NPHP4: variants seen among roughly 807,000 people sequenced by gnomAD.
The protein encoded by NPHP4 is nephrocystin 4, also known as nephrocystin-4.
Under a neutral mutation model 155.8 loss-of-function variants are expected in NPHP4, and 151 were observed. The ratio of observed to expected loss-of-function variants is 0.97; its 90% CI spans 0.85 to 1.11. The LOEUF (loss-of-function observed/expected upper bound fraction) is 1.11, where lower values mean the gene tolerates loss of function less well. Among genes scored for constraint, NPHP4 ranks in the 50% least tolerant of loss-of-function variants. NPHP4 has a pLI of 0.00. For missense variants in NPHP4, 1,956 were observed against 1,925.7 expected (o/e 1.02, Z -0.29); for synonymous variants, 845 against 816.8 (o/e 1.03, Z -0.59).
chr1:5,873,698 A>C, intron 22 of NPHP4: 1 of 348,644 alleles, frequency 2.9e-6, no homozygotes. Flanking sequence ...CTGACCCCAA[A>C]AGGTCAAAAG....
chr1:5,948,247 C>T lies in NPHP4; in HGVS notation c.815G>A (p.Cys272Tyr), dbSNP rs1349348418. 1.3e-6 allele frequency: 2 copies of T among 1,563,616 alleles called. No homozygotes were observed. Among genetic ancestry groups the T allele is most frequent in the Admixed American group, 3.8e-5 (2 of 53,318 alleles). ...CAGGGCACCACCGTCCAGTGGGCCA[C>T]ATCCCTGGAAGAGGCACAGAAGGAA... ...LHVQDHFQEG[C>Y]GPLDGGALEI... The change falls in exon 8 of 30, where the codon TGT becomes TAT. Residue 272 changes from cysteine (C) to tyrosine (Y), a missense_variant. Transcript: ENST00000378156.
chr1:5,964,941 A>ATATATATATATATTTTTTTTTT, intron 5 of NPHP4, among the ~76,000 whole-genome samples: 1 of 59,410 alleles, frequency 1.7e-5, no homozygotes, highest in Non-Finnish European at 2.9e-5. Flanking sequence ...ATATATATAT[A>ATATATATATATATTTTTTTTTT]TTTTTTTTTT....
intron 29 of NPHP4, 97 bp from the exon 30 acceptor site, chr1:5,863,502 G>C: frequency 6.8e-7 from 1 of 1,472,532 alleles, no homozygotes; most frequent in Non-Finnish European, 9.4e-7. Context: ...TCCAAGGGGA[G>C]CTGACAAGGC....
chr1:5,975,250 C>T (rs1487085480), intron 3 of NPHP4, among the ~76,000 whole-genome samples: 5 of 152,228 alleles, frequency 3.3e-5, no homozygotes, highest in Non-Finnish European at 7.3e-5. Flanking sequence ...TGGAACAAAA[C>T]CTTTGCTCTG....
At chr1:5,975,327 G>C (rs1653351766) in intron 3 of NPHP4, among the ~76,000 whole-genome samples, 1 of 152,220 alleles carries the variant, frequency 6.6e-6, no homozygotes, top group Non-Finnish European at 1.5e-5. Flanking sequence ...AGCTTGGCAG[G>C]AGGGATTCAT....
At chr1:5,956,070 GGT>G (rs1491078268) in intron 6 of NPHP4, among the ~76,000 whole-genome samples, 9 of 148,340 alleles carry the variant, frequency 6.1e-5, no homozygotes, top group Non-Finnish European at 1.0e-4. Context: ...GGGGGGGGGG[GGT>G]GCAGGGAGGG....
Position 5,868,985 on chromosome 1 carries a change from CCA to C in NPHP4, c.3316-1091_3316-1090del, listed in dbSNP as rs1293477304. Among the ~76,000 whole-genome samples the C allele has an allele frequency of 8.0e-5, 10 of 125,340 alleles. No individual in the cohort carries two copies. In the South Asian group the frequency reaches 8.1e-4, roughly 10 times the overall value. 82.2% of individuals were successfully genotyped at this position (125,340 alleles called of 152,430 possible). On this transcript the variant is annotated intron_variant, in intron 23 of 29. Coordinates refer to ENST00000378156, the MANE Select transcript of NPHP4 (RefSeq NM_015102.5). ...CACACACACATGCACACACATCCAC[CCA>C]CACATGCACACACACGCACCCATAC... is the stretch of plus-strand genomic sequence containing the variant.
intron 11 of NPHP4, among the ~76,000 whole-genome samples, chr1:5,914,846 C>T (rs1341789950): frequency 6.6e-6 from 1 of 152,116 alleles, no homozygotes; most frequent in African/African-American, 2.4e-5. Context: ...GAAATGTGAA[C>T]GGGGTCGTGA....
chr1:5,901,998 A>G (rs914251655), intron 16 of NPHP4, among the ~76,000 whole-genome samples: 1 of 152,194 alleles, frequency 6.6e-6, no homozygotes, highest in Admixed American at 6.5e-5. Context: ...AAACGTAATG[A>G]TGAAGGCCAG....
rs191631053 is a variant in NPHP4, at chr1:5,873,346, C to T, written c.3232-11G>A. On this transcript the variant is annotated splice_polypyrimidine_tract_variant and intron_variant, in intron 22 of 29. Transcript: ENST00000378156. ...CAACCCAGGAGAGGCCTGCAGGAAC[C>T]GAACAGCACAAGCAGGTCAGGAAGC... 1.6e-5 allele frequency: 25 copies of T among 1,612,096 alleles called. No individual in the cohort carries two copies. The Admixed American group carries it at 3.0e-4, about 19-fold the overall frequency.
chr1:5,880,269 T>C (rs375820525), intron 18 of NPHP4, 30 bp from the exon 19 acceptor site: 22 of 1,610,832 alleles, frequency 1.4e-5, no homozygotes, highest in Non-Finnish European at 1.8e-5. Flanking sequence ...ACATAAGACA[T>C]GAACCCCAAA....
At chr1:5,886,092 T>C (rs909683988) in intron 18 of NPHP4, among the ~76,000 whole-genome samples, 1 of 152,230 alleles carries the variant, frequency 6.6e-6, no homozygotes, top group African/African-American at 2.4e-5. Flanking sequence ...CACTGCACAT[T>C]TGGTGGCTGG....
Position 5,944,552 on chromosome 1 carries a change from T to C in NPHP4, c.1119+2552A>G, listed in dbSNP as rs1049950380. 2.6e-5 allele frequency among the ~76,000 whole-genome samples: 4 copies of C among 152,250 alleles called. No homozygotes were observed. The highest frequency in any genetic ancestry group is 5.9e-5 in the Non-Finnish European group (4 of 68,048). On this transcript the variant is annotated intron_variant, in intron 9 of 29. Transcript: ENST00000378156. The surrounding 1 kb of genome is among the most constrained non-coding windows in gnomAD (Gnocchi z 4.3). ...AATGGTTCCGCACAGGAAGCAATTTTTGTGTGGAAGGTCATTTCACACACT... is the reference window on the plus strand; with the variant it reads ...AATGGTTCCGCACAGGAAGCAATTTCTGTGTGGAAGGTCATTTCACACACT...
rs201527181 is a variant in NPHP4, at chr1:5,887,444, G to A, written c.2327C>T (p.Pro776Leu). ...QMKHLLRQGR[P>L]AVQASHELEV... ...AAGCTCGTGGGAGGCCTGCACAGCC[G>A]GCCGGCCTTGGCGGAGGAGATGCTG... is the stretch of plus-strand genomic sequence containing the variant. Residue 776 changes from proline to leucine, a missense_variant, in exon 18 of 30, where the codon CCG becomes CTG. Coordinates refer to ENST00000378156, the MANE Select transcript of NPHP4 (RefSeq NM_015102.5). The A allele has an allele frequency of 7.4e-6, 12 of 1,613,106 alleles. No individual in the cohort carries two copies. Among genetic ancestry groups the A allele is most frequent in the Admixed American group, 5.0e-5 (3 of 59,998 alleles).
intron 3 of NPHP4, among the ~76,000 whole-genome samples, chr1:5,975,758 G>A (rs1411463368): frequency 6.6e-6 from 1 of 152,208 alleles, no homozygotes; most frequent in Non-Finnish European, 1.5e-5. Flanking sequence ...GTGGTGAAAT[G>A]CAAGTGCTGC....
At chr1:5,954,856 C>G (rs1648878446) in intron 6 of NPHP4, among the ~76,000 whole-genome samples, 1 of 151,502 alleles carries the variant, frequency 6.6e-6, no homozygotes, top group Non-Finnish European at 1.5e-5. Flanking sequence ...GCACAGGCAA[C>G]AAAAGCAAAA....
intron 11 of NPHP4, among the ~76,000 whole-genome samples, chr1:5,919,870 G>A (rs1557736814): frequency 6.6e-6 from 1 of 152,042 alleles, no homozygotes; most frequent in Non-Finnish European, 1.5e-5. Flanking sequence ...CTCCCAAGTA[G>A]CTGAGACTAC....
At chr1:5,920,784 A>G (rs530877357) in intron 11 of NPHP4, among the ~76,000 whole-genome samples, 36 of 152,214 alleles carry the variant, frequency 2.4e-4, no homozygotes, top group African/African-American at 8.4e-4. Context: ...ATGTATTGCA[A>G]ATATCTTTCA....
At chr1:5,965,493 A>G (rs1651319981) in intron 5 of NPHP4, among the ~76,000 whole-genome samples, 1 of 152,150 alleles carries the variant, frequency 6.6e-6, no homozygotes, top group Non-Finnish European at 1.5e-5. Context: ...TTCAGTTGAA[A>G]AATAACCTAA....
Sources: allele counts gnomAD v4.1 joint callset (sites outside exome capture counted in the v4.1 genomes callset), GRCh38; gene constraint gnomAD v4.1.1; non-coding constraint Gnocchi (gnomAD v3.1); transcripts MANE v1.5; gene names NCBI Gene and HGNC (gene_info 2026-07-23, HGNC 2026-07-21).